CEP170B: variants seen among roughly 807,000 people sequenced by gnomAD.
CEP170B encodes centrosomal protein 170B.
In CEP170B, 55 loss-of-function variants were observed where a neutral mutation model predicts 120.6. The observed-to-expected ratio is 0.46, with a 90% CI of 0.37 to 0.57. The LOEUF is 0.57. Among genes scored for constraint, CEP170B ranks in the 20% least tolerant of loss-of-function variants. The pLI is 0.00. For synonymous variants in CEP170B, 1,033 were observed against 954.5 expected, an observed-to-expected ratio of 1.08 and a Z score of -1.52; for missense variants, 2,212 against 2,253.3, an observed-to-expected ratio of 0.98 and a Z score of 0.37.
At chr14:104,872,198 C>T (rs892274202) in intron 2 of CEP170B, among the ~76,000 whole-genome samples, 4 of 114,058 alleles carry the variant, frequency 3.5e-5, no homozygotes, top group African/African-American at 7.1e-5. Context: ...GTGTGTGTGC[C>T]GTGGGTGTGC....
At chr14:104,880,107 C>T (rs1005462206) in intron 5 of CEP170B, among the ~76,000 whole-genome samples, 180 bp from the exon 6 acceptor site, 6 of 152,138 alleles carry the variant, frequency 3.9e-5, no homozygotes, top group African/African-American at 9.7e-5. Context: ...AGCTGGACCC[C>T]GAGCCGTGTT....
intron 2 of CEP170B, among the ~76,000 whole-genome samples, chr14:104,874,091 C>T (rs535227308): frequency 4.4e-4 from 67 of 152,296 alleles, no homozygotes; most frequent in African/African-American, 1.5e-3. Context: ...CAGTTAGTGG[C>T]CTGAGGTGTC....
chr14:104,876,405 T>A (rs1895849838), intron 3 of CEP170B, 60 bp downstream of exon 3: 6 of 1,484,388 alleles, frequency 4.0e-6, no homozygotes, highest in South Asian at 1.2e-5. Context: ...CCCTGGCCCC[T>A]CCCTCTCAGT....
chr14:104,893,647 G>A lies in CEP170B; in HGVS notation c.4163G>A (p.Arg1388Gln), dbSNP rs571111410. ...GAGGACGCCCTGGCCAACAAGACGC[G>A]GCCTCGGAACCGAGAGGAGGCACGG... ...SCEDALANKT[R>Q]PRNREEVIFD... The change falls in exon 15 of 19, where the codon CGG becomes CAG. Residue 1388 changes from arginine (R) to glutamine (Q), a missense_variant. By Grantham distance (43) the Arg-to-Gln change is conservative. Coordinates refer to ENST00000414716, the MANE Select transcript of CEP170B (RefSeq NM_001112726.3). 16 of 1,590,550 alleles carry A rather than the reference G, an allele frequency of 1.0e-5. No individual in the cohort carries two copies. Among genetic ancestry groups the A allele is most frequent in the South Asian group, 8.0e-5 (7 of 87,668 alleles).
chr14:104,893,645 G>A lies in CEP170B; in HGVS notation c.4161G>A (p.Thr1387=), dbSNP rs752268183. The part of the protein sequence containing the change: ...DSCEDALANK[T]RPRNREEVIF... ...GTGAGGACGCCCTGGCCAACAAGAC[G>A]CGGCCTCGGAACCGAGAGGAGGCAC... Residue 1387 remains threonine, a synonymous_variant, in exon 15 of 19, where the codon ACG becomes ACA. Coordinates refer to ENST00000414716, the MANE Select transcript of CEP170B (RefSeq NM_001112726.3). 17 of 1,591,302 alleles carry A rather than the reference G, an allele frequency of 1.1e-5. No individual in the cohort carries two copies. The highest frequency in any genetic ancestry group is 2.3e-5 in the East Asian group (1 of 43,584).
At position 104,893,583 on chromosome 14, in the gene CEP170B, A is replaced by T. The variant is rs1896951418; in HGVS notation, c.4099A>T (p.Asn1367Tyr). ...CCAGAAGGTGCCGCCCGGCTCGCTG[A>T]ACTCTCGGGACTTTGACCAGAACAT... ...NFQKVPPGSL[N>Y]SRDFDQNMND... Residue 1367 changes from asparagine to tyrosine, a missense_variant, in exon 15 of 19, where the codon AAC becomes TAC. By Grantham distance (143) the Asn-to-Tyr change is moderately radical (BLOSUM62 -2). Coordinates refer to ENST00000414716, the MANE Select transcript of CEP170B (RefSeq NM_001112726.3). 1.9e-6 allele frequency: 3 copies of T among 1,604,218 alleles called. No homozygotes were observed. Among genetic ancestry groups the T allele is most frequent in the African/African-American group, 2.7e-5 (2 of 74,828 alleles).
chr14:104,889,838 G>T (rs956347616), intron 13 of CEP170B, 80 bp downstream of exon 13: 2 of 1,469,522 alleles, frequency 1.4e-6, no homozygotes, highest in African/African-American at 1.4e-5. Flanking sequence ...CAGGGACCAG[G>T]CTGGGAGCTC....
chr14:104,880,056 A>T (rs1896063819), intron 5 of CEP170B, among the ~76,000 whole-genome samples: 1 of 152,052 alleles, frequency 6.6e-6, no homozygotes. Flanking sequence ...CCACCCAAGC[A>T]GGCCCCTGCT....
Position 104,876,207 on chromosome 14 carries a change from G to A in CEP170B, c.106-49G>A, listed in dbSNP as rs1161574846. ...GCAGGGGTGCCTCTGCCTCTTGGGTGTCACCTCCTCCCCTGGAGCACCTGA... is the reference window on the plus strand; with the variant it reads ...GCAGGGGTGCCTCTGCCTCTTGGGTATCACCTCCTCCCCTGGAGCACCTGA... On this transcript the variant is annotated intron_variant, in intron 2 of 18. Coordinates refer to ENST00000414716, the MANE Select transcript of CEP170B (RefSeq NM_001112726.3). 3.3e-6 allele frequency: 5 copies of A among 1,536,368 alleles called. No homozygotes were observed. In the East Asian group the frequency reaches 7.3e-5, roughly 23 times the overall value.
intron 2 of CEP170B, among the ~76,000 whole-genome samples, chr14:104,872,142 T>C (rs570615676): frequency 4.7e-5 from 7 of 149,068 alleles, no homozygotes; most frequent in African/African-American, 1.2e-4. Flanking sequence ...TGCGTGTGTG[T>C]GCCGTGTGTG....
rs765741023 is a variant in CEP170B, at chr14:104,886,587, G to A, written c.2348G>A (p.Arg783Gln). Residue 783 changes from arginine (R) to glutamine (Q), a missense_variant, in exon 12 of 19, where the codon CGG becomes CAG. By Grantham distance (43) the Arg-to-Gln change is conservative. Transcript: ENST00000414716. ...GAGGGGCCCACGTGGAGCAGGGGTC[G>A]GCGCTCACCAAGGGCCCCCGGGGAG... ...PQEGPTWSRG[R>Q]RSPRAPGEPT... 8.6e-6 allele frequency: 13 copies of A among 1,515,010 alleles called. No homozygotes were observed. Among genetic ancestry groups the A allele is most frequent in the Middle Eastern group, 1.8e-4 (1 of 5,624 alleles). The allele number at this position is 1,515,010 out of a possible 1,614,324, so 93.8% of individuals were successfully genotyped here. A position where few individuals can be genotyped will look rare whatever the true frequency, so the allele number is the denominator to read the frequency against.
rs753273180 is a variant in CEP170B at position 104,884,456 on chromosome 14, G to A, written c.1677G>A (p.Glu559=). ...AGCTGACCAAGGCACGGAAACAGGA[G>A]GAGGACGACAGCCTCAGTGACGCAG... The part of the protein sequence containing the change: ...DPQLTKARKQ[E]EDDSLSDAGT... Residue 559 remains glutamate (E), a synonymous_variant, in exon 9 of 19, where the codon GAG becomes GAA. Transcript: ENST00000414716. The A allele has an allele frequency of 1.3e-6, 2 of 1,556,992 alleles. No homozygotes were observed. The highest frequency in any genetic ancestry group is 1.7e-6 in the Non-Finnish European group (2 of 1,150,560).
intron 4 of CEP170B, 118 bp from the exon 5 acceptor site, chr14:104,878,325 A>G: frequency 9.9e-7 from 1 of 1,009,532 alleles, no homozygotes; most frequent in Admixed American, 1.9e-5. Context: ...GGGAAGAAAG[A>G]GGCCCCTCCT....
intron 5 of CEP170B, 103 bp from the exon 6 acceptor site, chr14:104,880,184 G>A (rs1381930404): frequency 4.8e-6 from 7 of 1,466,876 alleles, no homozygotes; most frequent in African/African-American, 1.4e-5. Context: ...GACATGCAAA[G>A]TCATAGCTGG....
At chr14:104,893,972 G>A (rs1379811592) in intron 16 of CEP170B, 123 bp downstream of exon 16, 3 of 919,888 alleles carry the variant, frequency 3.3e-6, no homozygotes, top group Non-Finnish European at 3.4e-6. Flanking sequence ...CACCTGTGGA[G>A]CAGCCCTCCC....
rs1595327011 is a variant in CEP170B at position 104,877,825 on chromosome 14, T to G, written c.196-60T>G. 188 of 404,982 alleles carry G rather than the reference T, an allele frequency of 4.6e-4. No individual in the cohort carries two copies. In the East Asian group the frequency reaches 4.8e-3, roughly 10 times the overall value. The allele number at this position is 404,982 out of a possible 1,614,324, so 25.1% of individuals were successfully genotyped here. A position where few individuals can be genotyped will look rare whatever the true frequency, so the allele number is the denominator to read the frequency against. The stretch of plus-strand genomic sequence containing the variant: ...GCTCAGCCCCACCACCCTGCGGCCC[T>G]GCCCACAGCCACCCACCCGCGCAGC... On this transcript the variant is annotated intron_variant, in intron 3 of 18. Coordinates refer to ENST00000414716, the MANE Select transcript of CEP170B (RefSeq NM_001112726.3).
chr14:104,884,399 C>G lies in CEP170B; in HGVS notation c.1620C>G (p.Pro540=). Reference sequence around the variant, plus strand: ...CCCATGGGACCAGCCCCGTGGGCCCCCCGACCCCACCGCCCGCCCCCACGG... The same window carrying G: ...CCCATGGGACCAGCCCCGTGGGCCCGCCGACCCCACCGCCCGCCCCCACGG... The part of the protein sequence containing the change: ...LTPHGTSPVG[P]PTPPPAPTDP... Residue 540 remains proline, a synonymous_variant, in exon 9 of 19, where the codon CCC becomes CCG. Coordinates refer to ENST00000414716, the MANE Select transcript of CEP170B (RefSeq NM_001112726.3). 1 of 1,547,262 alleles carries G rather than the reference C, an allele frequency of 6.5e-7. No homozygotes were observed. The highest frequency in any genetic ancestry group is 1.2e-5 in the South Asian group (1 of 83,942).
At chr14:104,889,575 C>G (rs1383748342) in intron 12 of CEP170B, 45 bp from the exon 13 acceptor site, 1 of 1,604,268 alleles carries the variant, frequency 6.2e-7, no homozygotes, top group Non-Finnish European at 8.5e-7. Flanking sequence ...GAGTACGGCT[C>G]CCGCCACGGC....
intron 2 of CEP170B, among the ~76,000 whole-genome samples, chr14:104,869,819 G>A (rs865846432): frequency 6.6e-6 from 1 of 152,126 alleles, no homozygotes; most frequent in African/African-American, 2.4e-5. Context: ...CCTAGATCTC[G>A]GGCTTCCAGC....
Sources: allele counts gnomAD v4.1 joint callset (sites outside exome capture counted in the v4.1 genomes callset), GRCh38; gene constraint gnomAD v4.1.1; transcripts MANE v1.5; gene names NCBI Gene and HGNC (gene_info 2026-07-23, HGNC 2026-07-21).